Variants in DNM3 observed in about 807,000 individuals in gnomAD.
DNM3 encodes dynamin 3.
DNM3 carries 47 observed loss-of-function variants against 101.6 expected under a neutral mutation model. The ratio of observed to expected loss-of-function variants is 0.46; its 90% CI spans 0.37 to 0.59. DNM3 has a LOEUF of 0.59. Among genes scored for constraint, DNM3 ranks in the 20% least tolerant of loss-of-function variants. The pLI is 0.00. For synonymous variants in DNM3, 385 were observed against 387.9 expected (o/e 0.99, Z 0.09); for missense variants, 849 against 1,085.7 (o/e 0.78, Z 3.06).
At chr1:172,140,724 A>AT (rs987159978) in intron 14 of DNM3, 55 of 152,008 alleles carry the variant, frequency 3.6e-4, no homozygotes, top group African/African-American at 1.3e-3. Flanking sequence ...GGGAAAAAAA[A>AT]AATCTTGCTG....
At chr1:171,949,161 T>C (rs1184363198) in intron 2 of DNM3, among the ~76,000 whole-genome samples, 1 of 152,194 alleles carries the variant, frequency 6.6e-6, no homozygotes, top group African/African-American at 2.4e-5. Flanking sequence ...AAAATATTAC[T>C]AATTTTTGTA....
intron 2 of DNM3, among the ~76,000 whole-genome samples, chr1:171,951,724 G>A (rs1474834704): frequency 6.6e-6 from 1 of 152,066 alleles, no homozygotes; most frequent in African/African-American, 2.4e-5. Context: ...CTTTAGTGGA[G>A]GTGTTGACAA....
chr1:172,071,911 C>T (rs1012920276), intron 11 of DNM3, among the ~76,000 whole-genome samples: 1 of 152,178 alleles, frequency 6.6e-6, no homozygotes, highest in Non-Finnish European at 1.5e-5. Context: ...TTTTTCTTTT[C>T]ATCCCCCACA....
At chr1:172,152,827 A>G (rs536870435) in intron 14 of DNM3, among the ~76,000 whole-genome samples, 1 of 152,280 alleles carries the variant, frequency 6.6e-6, no homozygotes, top group South Asian at 2.1e-4. Flanking sequence ...GGCCATGTTA[A>G]AAACGGTTTT....
At chr1:172,318,231 G>A (rs1187525497) in intron 16 of DNM3, among the ~76,000 whole-genome samples, 6 of 152,048 alleles carry the variant, frequency 3.9e-5, no homozygotes, top group South Asian at 4.2e-4. Context: ...TTGATGGGAC[G>A]TATCTCAAAA....
In DNM3 at chr1:171,974,866, C is replaced by CTTTTTTTT. The variant is rs202081677; in HGVS notation, c.236-12789_236-12788insTTTTTTTT. 6.7e-3 allele frequency among the ~76,000 whole-genome samples: 998 copies of CTTTTTTTT among 149,470 alleles called. 19 individuals are homozygous for CTTTTTTTT. The highest frequency in any genetic ancestry group is 0.023 in the African/African-American group (945 of 40,336). On this transcript the variant is annotated intron_variant, in intron 2 of 20. Coordinates refer to ENST00000627582, the MANE Select transcript of DNM3 (RefSeq NM_015569.5). The stretch of plus-strand genomic sequence containing the variant: ...TCCTTCTCCCCCTCTTCTTCTTCTA[C>CTTTTTTTT]TGTTTTTTTTTTTGAGTTGGGGTCT...
intron 14 of DNM3, among the ~76,000 whole-genome samples, chr1:172,163,246 T>G (rs1334064659): frequency 1.3e-5 from 2 of 149,910 alleles, no homozygotes; most frequent in Non-Finnish European, 3.0e-5. Context: ...TTTTTTTGTT[T>G]TTTTTTTTTT....
At chr1:171,913,922 G>A (rs2039503893) in intron 1 of DNM3, among the ~76,000 whole-genome samples, 1 of 151,744 alleles carries the variant, frequency 6.6e-6, no homozygotes, top group South Asian at 2.1e-4. Flanking sequence ...CCGAGTAGCT[G>A]GGACTACAGG....
intron 17 of DNM3, among the ~76,000 whole-genome samples, chr1:172,360,741 GCT>G (rs2067699858): frequency 6.6e-6 from 1 of 151,972 alleles, no homozygotes; most frequent in Non-Finnish European, 1.5e-5. Flanking sequence ...TAACACCTTT[GCT>G]CTTTTTCTGC....
intron 1 of DNM3, among the ~76,000 whole-genome samples, chr1:171,899,739 A>G (rs2038134099): frequency 6.6e-6 from 1 of 152,242 alleles, no homozygotes. Flanking sequence ...AATTAATTAG[A>G]CATGGTTCCT....
Position 172,316,528 on chromosome 1 carries a change from A to G in DNM3, c.1882-6801A>G, listed in dbSNP as rs896339659. Reference sequence around the variant, plus strand: ...GCAGAGACACACATAGGCTCAAAATAAAAGGATTGAGGAAGATCTACCAAG... The same window carrying G: ...GCAGAGACACACATAGGCTCAAAATGAAAGGATTGAGGAAGATCTACCAAG... On this transcript the variant is annotated intron_variant, in intron 16 of 20. Transcript: ENST00000627582. 1.2e-4 allele frequency among the ~76,000 whole-genome samples: 18 copies of G among 152,264 alleles called. 1 individual carries two copies. The highest frequency in any genetic ancestry group is 2.4e-4 in the African/African-American group (10 of 41,534).
chr1:172,161,612 A>G (rs2148291284), intron 14 of DNM3, among the ~76,000 whole-genome samples: 1 of 152,168 alleles, frequency 6.6e-6, no homozygotes, highest in Admixed American at 6.6e-5. Flanking sequence ...GAGCAACTAA[A>G]TGATTCAGGA....
rs201277254 is a variant in DNM3, at chr1:171,850,252, GAA to G, written c.161+8437_161+8438del. On this transcript the variant is annotated intron_variant, in intron 1 of 20. Transcript: ENST00000627582. The stretch of plus-strand genomic sequence containing the variant: ...TACCAAATCACTCTTTTTTCCAGTG[GAA>G]AGATTCATATTCTGATTTGATTGAC... 8.0e-3 allele frequency among the ~76,000 whole-genome samples: 1,213 copies of G among 152,202 alleles called. 15 individuals are homozygous for G. The highest frequency in any genetic ancestry group is 0.028 in the African/African-American group (1,144 of 41,516).
chr1:172,066,952 T>TTG (rs61202714), intron 10 of DNM3, among the ~76,000 whole-genome samples: 3,693 of 150,200 alleles, frequency 0.025, 141 homozygotes, highest in African/African-American at 0.083. Context: ...GTCTCTGTGT[T>TTG]TGTGTGTGTG....
At chr1:172,166,555 G>C (rs1003428591) in intron 14 of DNM3, among the ~76,000 whole-genome samples, 1 of 152,014 alleles carries the variant, frequency 6.6e-6, no homozygotes, top group Non-Finnish European at 1.5e-5. Flanking sequence ...ATTAGACCTG[G>C]ATCCCCTGAA....
At chr1:172,155,920 G>C (rs1164256216) in intron 14 of DNM3, among the ~76,000 whole-genome samples, 2 of 152,124 alleles carry the variant, frequency 1.3e-5, no homozygotes, top group African/African-American at 2.4e-5. Flanking sequence ...AGGCAGTAGA[G>C]TGCAGTGACT....
intron 4 of DNM3, among the ~76,000 whole-genome samples, chr1:172,005,481 C>T (rs2046627324): frequency 6.6e-6 from 1 of 151,894 alleles, no homozygotes; most frequent in Non-Finnish European, 1.5e-5. Context: ...TTGCATTACA[C>T]TTCCTTCTTT....
intron 14 of DNM3, among the ~76,000 whole-genome samples, chr1:172,186,267 G>A (rs145057647): frequency 1.1e-3 from 167 of 152,114 alleles, no homozygotes; most frequent in African/African-American, 3.9e-3. Context: ...TAATTTAAAC[G>A]TCGGTTACAA....
At chr1:172,160,331 A>G (rs920196012) in intron 14 of DNM3, among the ~76,000 whole-genome samples, 1 of 152,106 alleles carries the variant, frequency 6.6e-6, no homozygotes, top group Non-Finnish European at 1.5e-5. Flanking sequence ...AAACTTCTTG[A>G]CTATTCGTAA....
Sources: gnomAD v4.1 joint callset for allele counts (sites outside exome capture counted in the v4.1 genomes callset) on GRCh38, gnomAD v4.1.1 for gene constraint, MANE v1.5 for transcripts, NCBI Gene and HGNC (gene_info 2026-07-23, HGNC 2026-07-21) for gene names.